DNAH6: variants seen among roughly 807,000 people sequenced by gnomAD.
DNAH6 encodes dynein axonemal heavy chain 6.
In DNAH6, 340 loss-of-function variants were observed where a neutral mutation model predicts 491.4. The observed-to-expected ratio is 0.69, with a 90% CI of 0.63 to 0.76. The LOEUF is 0.76. Among genes scored for constraint, DNAH6 ranks in the 30% least tolerant of loss-of-function variants. The pLI is 0.00. For synonymous variants in DNAH6, 1,603 were observed against 1,686.1 expected, an observed-to-expected ratio of 0.95 and a Z score of 1.21; for missense variants, 4,443 against 4,972.2, an observed-to-expected ratio of 0.89 and a Z score of 3.20.
At chr2:84,672,878 G>A (rs1006077795) in intron 40 of DNAH6, among the ~76,000 whole-genome samples, 1 of 152,202 alleles carries the variant, frequency 6.6e-6, no homozygotes, top group Non-Finnish European at 1.5e-5. Context: ...TTTGGGGACA[G>A]GGGACACAAT....
At position 84,605,601 on chromosome 2, in the gene DNAH6, C is replaced by A; in HGVS notation, c.3174+9C>A. The A allele has an allele frequency of 6.5e-7, 1 of 1,538,704 alleles. No homozygotes were observed. ...GCACAGATGACATACAGGTGGGTAA[C>A]TGGGTTATTGAAAACTTATGGTAAA... On this transcript the variant is annotated intron_variant, in intron 20 of 76. Transcript: ENST00000389394.
chr2:84,534,586 T>A (rs1195304028), intron 4 of DNAH6, among the ~76,000 whole-genome samples: 6 of 152,194 alleles, frequency 3.9e-5, no homozygotes, highest in Non-Finnish European at 5.9e-5. Context: ...AGTTTTTTTT[T>A]AATTTCATTT....
At chr2:84,498,692 C>T in the DNAH6 span, among the ~76,000 whole-genome samples, 1 of 152,042 alleles carries the variant, frequency 6.6e-6, no homozygotes, top group Non-Finnish European at 1.5e-5. Flanking sequence ...CCCATCTCAG[C>T]ACCTGCCCTG....
intron 68 of DNAH6, among the ~76,000 whole-genome samples, chr2:84,792,988 G>A (rs1677922115): frequency 2.0e-5 from 3 of 152,178 alleles, no homozygotes; most frequent in Admixed American, 2.0e-4. Flanking sequence ...GTGGTATTGG[G>A]GGTGGATCTG....
At chr2:84,503,378 G>A in the DNAH6 span, among the ~76,000 whole-genome samples, 1 of 151,988 alleles carries the variant, frequency 6.6e-6, no homozygotes, top group Non-Finnish European at 1.5e-5. Context: ...TACTATTTTT[G>A]TTATTGTTTC....
At chr2:84,474,178 TGC>T in the DNAH6 span, among the ~76,000 whole-genome samples, 3 of 152,330 alleles carry the variant, frequency 2.0e-5, no homozygotes, top group East Asian at 3.9e-4. Flanking sequence ...CTGGTTGTAG[TGC>T]ACCCATGTGT....
At chr2:84,605,889 C>A (rs577799914) in intron 20 of DNAH6, among the ~76,000 whole-genome samples, 6 of 152,064 alleles carry the variant, frequency 3.9e-5, no homozygotes, top group Non-Finnish European at 7.4e-5. Flanking sequence ...AGCATTTTCC[C>A]TAGACCAGTC....
chr2:84,762,636 A>G (rs773827590), intron 63 of DNAH6, 119 bp from the exon 64 acceptor site: 25 of 673,744 alleles, frequency 3.7e-5, no homozygotes, highest in Non-Finnish European at 5.5e-5. Context: ...ATACCCAATC[A>G]AGACAGAATA....
rs1402844477 is a variant in DNAH6 at position 84,579,566 on chromosome 2, G to A, written c.2116G>A (p.Val706Met). ...GCTTCCTCGTCAAAGCAAGAAAAAA[G>A]TGGATGCCATTATCTTTGAGGCACA... ...FMLPRQSKKKVDAIIFEAQDA... is the reference protein window; with the variant it reads ...FMLPRQSKKKMDAIIFEAQDA... Residue 706 changes from valine (V) to methionine (M), a missense_variant, in exon 14 of 77, where the codon GTG (valine) becomes ATG (methionine). Around this residue, in one of 3 missense-constraint regions of DNAH6, gnomAD observed 2,977 missense variants for 3,296.6 expected, o/e 0.90. Coordinates refer to ENST00000389394, the MANE Select transcript of DNAH6 (RefSeq NM_001370.2). The A allele has an allele frequency of 6.2e-7, 1 of 1,613,842 alleles. No individual in the cohort carries two copies. Among genetic ancestry groups the A allele is most frequent in the African/African-American group, 1.3e-5 (1 of 75,014 alleles).
rs1687675501 is a variant in DNAH6 at position 84,624,493 on chromosome 2, A to G, written c.4226A>G (p.Gln1409Arg). The change falls in exon 28 of 77, where the codon CAG (glutamine) becomes CGG (arginine). Residue 1409 changes from glutamine (Q) to arginine (R), a missense_variant. Around this residue, in one of 3 missense-constraint regions of DNAH6, gnomAD observed 2,977 missense variants for 3,296.6 expected, o/e 0.90. Transcript: ENST00000389394. ...KVETVESFDW[Q>R]RQLRYYWDID... ...GAGACAGTTGAATCTTTTGACTGGCAGAGACAACTGCGCTATTACTGGGAT... is the reference window on the plus strand; with the variant it reads ...GAGACAGTTGAATCTTTTGACTGGCGGAGACAACTGCGCTATTACTGGGAT... The G allele has an allele frequency of 6.4e-7, 1 of 1,551,944 alleles. No individual in the cohort carries two copies. Among genetic ancestry groups the G allele is most frequent in the Non-Finnish European group, 8.7e-7 (1 of 1,146,982 alleles).
At chr2:84,612,611 G>A (rs911100349) in intron 22 of DNAH6, among the ~76,000 whole-genome samples, 6 of 152,040 alleles carry the variant, frequency 3.9e-5, no homozygotes, top group Admixed American at 1.3e-4. Context: ...GGGTCTTTTC[G>A]AGGCAGCCCA....
chr2:84,537,062 A>G (rs1025808142), intron 4 of DNAH6, among the ~76,000 whole-genome samples: 1 of 152,032 alleles, frequency 6.6e-6, no homozygotes, highest in Admixed American at 6.6e-5. Context: ...GTTTTATAAC[A>G]TTCAAAGTTT....
intron 21 of DNAH6, among the ~76,000 whole-genome samples, chr2:84,608,458 G>A (rs1043024311): frequency 2.6e-5 from 4 of 152,152 alleles, no homozygotes; most frequent in African/African-American, 7.2e-5. Context: ...GCTGCAGAAC[G>A]GATGTTGTGT....
intron 63 of DNAH6, among the ~76,000 whole-genome samples, chr2:84,754,111 C>G (rs1673758489): frequency 6.6e-6 from 1 of 152,068 alleles, no homozygotes; most frequent in South Asian, 2.1e-4. Flanking sequence ...TGTGAGCCAC[C>G]ACGCCTGGCC....
Position 84,727,936 on chromosome 2 carries a change from G to A in DNAH6, c.10206+34G>A, listed in dbSNP as rs148567256. 805 of 1,385,012 alleles carry A rather than the reference G, an allele frequency of 5.8e-4. 3 individuals are homozygous for A. In the African/African-American group the frequency reaches 9.5e-3, roughly 16 times the overall value. The allele number at this position is 1,385,012 out of a possible 1,614,324, so 85.8% of individuals were successfully genotyped here. On this transcript the variant is annotated intron_variant, in intron 61 of 76. Coordinates refer to ENST00000389394, the MANE Select transcript of DNAH6 (RefSeq NM_001370.2). Reference sequence around the variant, plus strand: ...TTCCCATTTAGGTGATGATTGATATGGTTTGGCTGTGTCCCCACCCAAATC... The same window carrying A: ...TTCCCATTTAGGTGATGATTGATATAGTTTGGCTGTGTCCCCACCCAAATC...
chr2:84,665,450 G>T (rs1023368535), intron 37 of DNAH6, among the ~76,000 whole-genome samples: 9 of 151,990 alleles, frequency 5.9e-5, no homozygotes, highest in African/African-American at 2.2e-4. Flanking sequence ...TACAAACTAC[G>T]ATCAGAGAAT....
intron 37 of DNAH6, among the ~76,000 whole-genome samples, chr2:84,668,118 A>G (rs1266089613): frequency 6.6e-6 from 1 of 152,214 alleles, no homozygotes; most frequent in Admixed American, 6.5e-5. Flanking sequence ...GAGGGATAGC[A>G]TTAGGAGAAA....
intron 10 of DNAH6, among the ~76,000 whole-genome samples, 191 bp downstream of exon 10, chr2:84,553,225 T>G (rs963709735): frequency 6.6e-6 from 1 of 152,180 alleles, no homozygotes; most frequent in East Asian, 1.9e-4. Flanking sequence ...CACATTATCT[T>G]TAACTTGAGT....
intron 63 of DNAH6, among the ~76,000 whole-genome samples, chr2:84,751,647 GA>G (rs1673484340): frequency 1.3e-5 from 2 of 152,138 alleles, no homozygotes; most frequent in Admixed American, 6.5e-5. Flanking sequence ...ACTAGAAAGA[GA>G]AAAAAACTAC....
Sources: allele counts gnomAD v4.1 joint callset (sites outside exome capture counted in the v4.1 genomes callset), GRCh38; gene constraint gnomAD v4.1.1; regional missense constraint gnomAD v4.1.1; transcripts MANE v1.5; gene names NCBI Gene and HGNC (gene_info 2026-07-23, HGNC 2026-07-21).